PSTPIP1: variants seen among roughly 807,000 people sequenced by gnomAD.
PSTPIP1 encodes the protein proline-serine-threonine phosphatase-interacting protein 1.
PSTPIP1 carries 66 observed loss-of-function variants against 69.6 expected under a neutral mutation model. The observed-to-expected ratio is 0.95, with a 90% CI of 0.78 to 1.16. The LOEUF is 1.16. PSTPIP1 is among the 50% of genes most tolerant of loss of function. The probability of loss-of-function intolerance (pLI) is 0.00; values close to 1 mark genes in which losing one functional copy is unlikely to be tolerated. For synonymous variants in PSTPIP1, 266 were observed against 222.7 expected (o/e 1.19, Z -1.73); for missense variants, 603 against 557.4 (o/e 1.08, Z -0.82).
chr15:77,025,467 C>A, intron 4 of PSTPIP1, 31 bp from the exon 5 acceptor site: 1 of 1,578,160 alleles, frequency 6.3e-7, no homozygotes, highest in East Asian at 2.3e-5. Flanking sequence ...AGATCTGACA[C>A]TGGGGACCAG....
rs1015500046 is a variant in PSTPIP1 at position 77,027,619 on chromosome 15, C to T, written c.355-233C>T. The T allele has an allele frequency of 8.9e-6, 5 of 562,614 alleles. No homozygotes were observed. The Admixed American group carries it at 1.2e-4, about 14-fold the overall frequency. The allele number at this position is 562,614 out of a possible 1,614,324, so 34.9% of individuals were successfully genotyped here. ...CCCCAGCTGGAGACGAAGCTCTGGC[C>T]AAGGTCTGCAGCAAGGACCTCACGG... On this transcript the variant is annotated intron_variant, in intron 5 of 14. Coordinates refer to ENST00000558012, the MANE Select transcript of PSTPIP1 (RefSeq NM_003978.5). This position sits in a 1 kb window ranked among gnomAD's most constrained non-coding sequence, Gnocchi z 4.3.
chr15:77,028,003 C>A, intron 6 of PSTPIP1, 89 bp downstream of exon 6: 3 of 1,213,748 alleles, frequency 2.5e-6, no homozygotes, highest in Non-Finnish European at 3.6e-6. Context: ...CCGGGCAGGG[C>A]ATTTGGAACA....
intron 10 of PSTPIP1, 70 bp downstream of exon 10, chr15:77,031,348 C>A: frequency 6.7e-7 from 1 of 1,502,544 alleles, no homozygotes; most frequent in Non-Finnish European, 9.2e-7. Flanking sequence ...CCAGGTCCAT[C>A]TGAGCCGGTC....
chr15:77,026,158 T>G (rs1206160090), intron 5 of PSTPIP1: 1 of 455,728 alleles, frequency 2.2e-6, no homozygotes, highest in Non-Finnish European at 4.4e-6. Flanking sequence ...GGAAGTGAAG[T>G]CCCCATCATG....
chr15:77,015,191 T>C (rs1368341095), intron 1 of PSTPIP1, among the ~76,000 whole-genome samples: 1 of 152,180 alleles, frequency 6.6e-6, no homozygotes, highest in Non-Finnish European at 1.5e-5. Context: ...TTTTCAAGAG[T>C]TATTTTTTCA....
chr15:77,002,251 G>A (rs989287431), intron 1 of PSTPIP1, among the ~76,000 whole-genome samples: 14 of 152,172 alleles, frequency 9.2e-5, no homozygotes, highest in Non-Finnish European at 2.1e-4. Context: ...CTCCCACCTA[G>A]GTCTGTCGAA....
chr15:77,002,427 C>T (rs745721337), intron 1 of PSTPIP1, among the ~76,000 whole-genome samples: 1 of 152,212 alleles, frequency 6.6e-6, no homozygotes, highest in Admixed American at 6.5e-5. Flanking sequence ...ATACAGAGTA[C>T]CTTTGTCATT....
chr15:77,024,107 G>A (rs1006401638), intron 3 of PSTPIP1: 5 of 152,358 alleles, frequency 3.3e-5, no homozygotes, highest in African/African-American at 1.2e-4. Context: ...AGAGTTGTGA[G>A]CAGTTCTGAC....
In PSTPIP1 at chr15:77,028,146, G is replaced by C. The variant is rs3812915; in HGVS notation, c.417+232G>C. On this transcript the variant is annotated intron_variant, in intron 6 of 14. Coordinates refer to ENST00000558012, the MANE Select transcript of PSTPIP1 (RefSeq NM_003978.5). ...TTCCCTTGTGGGGCTCGTGAATGAA[G>C]GGCAGATGAAGTCAGCTGGGGACTC... Among the ~76,000 whole-genome samples the C allele has an allele frequency of 0.041, 6,206 of 152,032 alleles. 238 individuals are homozygous for C. The highest frequency in any genetic ancestry group is 0.1 in the African/African-American group (4,160 of 41,366).
At position 76,995,173 on chromosome 15, in the gene PSTPIP1, G is replaced by GT. The variant is rs1343298024; in HGVS notation, c.-401_-400insT. The GT allele has an allele frequency of 1.1e-6, 1 of 919,440 alleles. No individual in the cohort carries two copies. Among genetic ancestry groups the GT allele is most frequent in the East Asian group, 6.0e-5 (1 of 16,698 alleles). 57.0% of individuals were successfully genotyped at this position (919,440 alleles called of 1,614,324 possible). On this transcript the variant is annotated 5_prime_UTR_variant, in exon 1 of 15. Coordinates refer to ENST00000558012, the MANE Select transcript of PSTPIP1 (RefSeq NM_003978.5). The stretch of plus-strand genomic sequence containing the variant: ...GGCTGCCTGCCTGCCTGCCTGCCTG[G>GT]CCCGGCCCGAGCTCCAGCCTGCCTC...
rs1002196371 is a variant in PSTPIP1 at position 77,031,560 on chromosome 15, C to T, written c.741+282C>T. The T allele has an allele frequency of 3.4e-5, 11 of 325,424 alleles. No individual in the cohort carries two copies. In the East Asian group the frequency reaches 4.4e-4, roughly 13 times the overall value. The allele number at this position is 325,424 out of a possible 1,614,324, so 20.2% of individuals were successfully genotyped here. A position where few individuals can be genotyped will look rare whatever the true frequency, so the allele number is the denominator to read the frequency against. ...GCCACAGAGCACCTGCCCCCTCTGC[C>T]GGGGATGGGAGGGGAGGTGGACACA... On this transcript the variant is annotated intron_variant, in intron 10 of 14. Coordinates refer to ENST00000558012, the MANE Select transcript of PSTPIP1 (RefSeq NM_003978.5).
At chr15:77,010,352 G>A (rs2075909625) in intron 1 of PSTPIP1, among the ~76,000 whole-genome samples, 1 of 152,184 alleles carries the variant, frequency 6.6e-6, no homozygotes. Flanking sequence ...GCCCCACCAG[G>A]CACCGCACAC....
chr15:77,007,904 C>A (rs570146102), intron 1 of PSTPIP1: 1 of 455,922 alleles, frequency 2.2e-6, no homozygotes, highest in Non-Finnish European at 4.4e-6. Context: ...GGCAATAGAA[C>A]ACTTTGAGGA....
At chr15:76,998,341 A>G (rs767335020) in intron 1 of PSTPIP1, among the ~76,000 whole-genome samples, 15 of 152,194 alleles carry the variant, frequency 9.9e-5, no homozygotes, top group Non-Finnish European at 1.5e-4. Context: ...GAGGGGAGCC[A>G]GCCCTGCTGT....
At chr15:77,012,455 A>T (rs1328278714) in intron 1 of PSTPIP1, among the ~76,000 whole-genome samples, 1 of 111,056 alleles carries the variant, frequency 9.0e-6, no homozygotes, top group Non-Finnish European at 1.8e-5. Flanking sequence ...CCATCCACCC[A>T]TCCATCCACC....
chr15:77,002,160 T>G (rs777278328), intron 1 of PSTPIP1, among the ~76,000 whole-genome samples: 2 of 152,232 alleles, frequency 1.3e-5, no homozygotes, highest in African/African-American at 2.4e-5. Flanking sequence ...ATTGTCAGTG[T>G]CTTCCTGACT....
Position 77,037,167 on chromosome 15 carries a change from G to A in PSTPIP1, c.1242G>A (p.Glu414=), listed in dbSNP as rs1158206044. 2 of 1,606,968 alleles carry A rather than the reference G, an allele frequency of 1.2e-6. No homozygotes were observed. Among genetic ancestry groups the A allele is most frequent in the East Asian group, 2.2e-5 (1 of 44,696 alleles). ...QRGFVPGSYL[E]KL is the part of the protein sequence containing the mutation. ...GCTTCGTCCCTGGTTCCTACCTGGA[G>A]AAGCTTTGAGGAAGGGCCAGGAGCC... The change falls in exon 15 of 15, where the codon GAG becomes GAA. Residue 414 remains glutamate, a synonymous_variant. Transcript: ENST00000558012.
In PSTPIP1 at chr15:77,037,282, CGA is replaced by C. The variant is rs1224911868; in HGVS notation, c.*110_*111del. 1.4e-6 allele frequency: 2 copies of C among 1,411,844 alleles called. No homozygotes were observed. The highest frequency in any genetic ancestry group is 2.9e-5 in the African/African-American group (2 of 69,600). The allele number at this position is 1,411,844 out of a possible 1,614,324, so 87.5% of individuals were successfully genotyped here. A position where few individuals can be genotyped will look rare whatever the true frequency, so the allele number is the denominator to read the frequency against. ...CCCAGAACCAAGCGTCCCCCAGCCC[CGA>C]GAGGGAGCCTGTCGTCTCCCAGGGA... On this transcript the variant is annotated 3_prime_UTR_variant, in exon 15 of 15. Transcript: ENST00000558012.
intron 3 of PSTPIP1, among the ~76,000 whole-genome samples, chr15:77,021,514 A>T (rs1026642797): frequency 6.6e-6 from 1 of 152,122 alleles, no homozygotes; most frequent in Non-Finnish European, 1.5e-5. Context: ...CCCCGTCTCT[A>T]TCAACAATAT....
Sources: gnomAD v4.1 joint callset for allele counts (sites outside exome capture counted in the v4.1 genomes callset) on GRCh38, gnomAD v4.1.1 for gene constraint, Gnocchi (gnomAD v3.1) non-coding constraint, MANE v1.5 for transcripts, NCBI Gene and HGNC (gene_info 2026-07-23, HGNC 2026-07-21) for gene names.